The following VWA3B variants were observed in gnomAD, a reference collection of about 807,000 sequenced individuals.
VWA3B encodes von Willebrand factor A domain-containing protein 3B.
In VWA3B, 138 loss-of-function variants were observed where a neutral mutation model predicts 158.3. The ratio of observed to expected loss-of-function variants is 0.87; its 90% CI spans 0.76 to 1.00. The LOEUF is 1.00. Ranked by LOEUF, VWA3B falls within the 50% of genes least tolerant of loss-of-function variation. The probability of loss-of-function intolerance (pLI) is 0.00; values close to 1 mark genes in which losing one functional copy is unlikely to be tolerated. For synonymous variants in VWA3B, 596 were observed against 587.3 expected, an observed-to-expected ratio of 1.01 and a Z score of -0.21; for missense variants, 1,555 against 1,565.1, an observed-to-expected ratio of 0.99 and a Z score of 0.11.
At chr2:98,088,637 TTG>T (rs2104785795) in intron 1 of VWA3B, among the ~76,000 whole-genome samples, 1 of 152,358 alleles carries the variant, frequency 6.6e-6, no homozygotes, top group African/African-American at 2.4e-5. Flanking sequence ...CGGTATGTTG[TTG>T]TTTCCGACTT....
At chr2:98,229,274 G>A (rs72950905) in intron 15 of VWA3B, among the ~76,000 whole-genome samples, 89 of 152,342 alleles carry the variant, frequency 5.8e-4, no homozygotes, top group African/African-American at 1.9e-3. Flanking sequence ...TAAGAGAATC[G>A]GGGTGCACAG....
Position 98,133,884 on chromosome 2 carries a change from T to C in VWA3B, c.933T>C (p.Asp311=). ...AATTTCCTGCATTCTCCACAAAGGA[T>C]GGTGACAATGTGATGACTTGGAATT... The part of the protein sequence containing the change: ...CVEFPAFSTK[D]GDNVMTWNSR... The change falls in exon 7 of 28, where the codon GAT becomes GAC. Residue 311 remains aspartate, a synonymous_variant. Coordinates refer to ENST00000477737, the MANE Select transcript of VWA3B (RefSeq NM_144992.5). 4.3e-6 allele frequency: 7 copies of C among 1,614,084 alleles called. No individual in the cohort carries two copies. Among genetic ancestry groups the C allele is most frequent in the Non-Finnish European group, 5.9e-6 (7 of 1,180,024 alleles).
intron 14 of VWA3B, among the ~76,000 whole-genome samples, chr2:98,221,099 G>A (rs1558691434): frequency 6.6e-6 from 1 of 151,758 alleles, no homozygotes; most frequent in African/African-American, 2.4e-5. Context: ...ACAAACCTGC[G>A]TGTTCTGCAC....
chr2:98,155,286 A>G (rs1178916406), intron 7 of VWA3B, among the ~76,000 whole-genome samples: 1 of 152,246 alleles, frequency 6.6e-6, no homozygotes, highest in East Asian at 1.9e-4. Flanking sequence ...TTTCAGACGT[A>G]GGAAGAGGTA....
At chr2:98,159,557 G>A (rs1376099050) in intron 7 of VWA3B, among the ~76,000 whole-genome samples, 1 of 152,048 alleles carries the variant, frequency 6.6e-6, no homozygotes, top group Non-Finnish European at 1.5e-5. Flanking sequence ...CCTTCAAATT[G>A]TTACCAGGTG....
intron 7 of VWA3B, among the ~76,000 whole-genome samples, chr2:98,154,894 T>C (rs1346025081): frequency 1.3e-5 from 2 of 152,160 alleles, no homozygotes; most frequent in Non-Finnish European, 2.9e-5. Flanking sequence ...TGTGCTGGGC[T>C]CTGGGGATAC....
At chr2:98,169,265 C>T (rs1389250037) in intron 8 of VWA3B, among the ~76,000 whole-genome samples, 1 of 152,116 alleles carries the variant, frequency 6.6e-6, no homozygotes, top group African/African-American at 2.4e-5. Flanking sequence ...AAAATAAAAA[C>T]ATTTTCAGAC....
intron 7 of VWA3B, among the ~76,000 whole-genome samples, chr2:98,136,217 A>C (rs1196306994): frequency 6.6e-6 from 1 of 152,220 alleles, no homozygotes; most frequent in African/African-American, 2.4e-5. Context: ...ATGTTTTTTA[A>C]AAAATTATAG....
chr2:98,141,486 A>G (rs968102720), intron 7 of VWA3B, among the ~76,000 whole-genome samples: 6 of 152,050 alleles, frequency 3.9e-5, no homozygotes, highest in African/African-American at 9.7e-5. Flanking sequence ...TAACTATCAC[A>G]TCTCATGGAA....
intron 13 of VWA3B, 30 bp downstream of exon 13, chr2:98,212,058 C>A: frequency 6.3e-7 from 1 of 1,590,486 alleles, no homozygotes; most frequent in Non-Finnish European, 8.6e-7. Flanking sequence ...ACAAAGAGGG[C>A]CTCACTGATG....
intron 19 of VWA3B, among the ~76,000 whole-genome samples, chr2:98,238,324 A>G (rs760240518): frequency 9.9e-5 from 15 of 152,180 alleles, no homozygotes; most frequent in Middle Eastern, 3.2e-3. Flanking sequence ...ATACCTAATT[A>G]GTCAGATGTC....
chr2:98,156,755 A>G (rs1289204190), intron 7 of VWA3B, among the ~76,000 whole-genome samples: 2 of 150,324 alleles, frequency 1.3e-5, no homozygotes, highest in Non-Finnish European at 2.9e-5. Flanking sequence ...TTTACCCCTG[A>G]GTTGATGCCT....
In VWA3B at chr2:98,311,872, C is replaced by T. The variant is rs746793714; in HGVS notation, c.3575C>T (p.Ala1192Val). The change falls in exon 27 of 28, where the codon GCG (alanine) becomes GTG (valine). Residue 1192 changes from alanine to valine, a missense_variant. Ala to Val is a moderately conservative substitution (Grantham distance 64, BLOSUM62 0). Transcript: ENST00000477737. ...TTCCTCTTCTGGCCACTGAAAGAAGCGGACACGCAGGATTCCAGAGAGCCA... is the reference window on the plus strand; with the variant it reads ...TTCCTCTTCTGGCCACTGAAAGAAGTGGACACGCAGGATTCCAGAGAGCCA... ...SAFLFWPLKE[A>V]DTQDSREPRR... is the part of the protein sequence containing the mutation. The T allele has an allele frequency of 6.2e-7, 1 of 1,612,240 alleles. No individual in the cohort carries two copies. Among genetic ancestry groups the T allele is most frequent in the Non-Finnish European group, 8.5e-7 (1 of 1,179,262 alleles).
intron 19 of VWA3B, chr2:98,245,599 G>C (rs954358720): frequency 2.2e-6 from 1 of 456,792 alleles, no homozygotes; most frequent in African/African-American, 2.0e-5. Context: ...CCACAAAAGA[G>C]GGAAGTAGAA....
intron 14 of VWA3B, among the ~76,000 whole-genome samples, chr2:98,227,395 T>C (rs905621719): frequency 6.6e-6 from 1 of 152,204 alleles, no homozygotes; most frequent in African/African-American, 2.4e-5. Context: ...TACTCCTAGA[T>C]ATTTATTCAG....
intron 7 of VWA3B, among the ~76,000 whole-genome samples, chr2:98,138,543 A>G (rs2105080003): frequency 6.6e-6 from 1 of 152,366 alleles, no homozygotes; most frequent in South Asian, 2.1e-4. Flanking sequence ...CAGGAAGCAC[A>G]GAGTGATGAC....
intron 13 of VWA3B, chr2:98,216,823 G>A (rs1684045929): frequency 2.8e-6 from 2 of 708,632 alleles, no homozygotes; most frequent in African/African-American, 1.8e-5. Flanking sequence ...AGCCACAGAT[G>A]AGGAAACTCA....
intron 21 of VWA3B, among the ~76,000 whole-genome samples, chr2:98,269,840 T>C (rs997217158): frequency 6.6e-6 from 1 of 152,244 alleles, no homozygotes; most frequent in Non-Finnish European, 1.5e-5. Context: ...ATCATTCCAA[T>C]AAGAATGTTT....
chr2:98,116,710 T>C (rs1674564222), intron 3 of VWA3B, among the ~76,000 whole-genome samples: 1 of 152,200 alleles, frequency 6.6e-6, no homozygotes. Context: ...CTCGCCATGT[T>C]GCCCAGGTTG....
Sources: allele counts gnomAD v4.1 joint callset (sites outside exome capture counted in the v4.1 genomes callset), GRCh38; gene constraint gnomAD v4.1.1; transcripts MANE v1.5; gene names NCBI Gene and HGNC (gene_info 2026-07-23, HGNC 2026-07-21).